Variants in NEGR1 observed in about 807,000 individuals in gnomAD.
NEGR1 encodes neuronal growth regulator 1, also known as IgLON family member 4.
Under a neutral mutation model 40.9 loss-of-function variants are expected in NEGR1, and 10 were observed. The ratio of observed to expected loss-of-function variants is 0.24; its 90% CI spans 0.15 to 0.42. The LOEUF (loss-of-function observed/expected upper bound fraction) is 0.42, where lower values mean the gene tolerates loss of function less well. Among genes scored for constraint, NEGR1 ranks in the 10% least tolerant of loss-of-function variants. The pLI is 1.00. For synonymous variants in NEGR1, 185 were observed against 166.8 expected, an observed-to-expected ratio of 1.11 and a Z score of -0.84; for missense variants, 352 against 438.9, an observed-to-expected ratio of 0.80 and a Z score of 1.77.
At chr1:71,917,508 C>T (rs181365049) in intron 2 of NEGR1, among the ~76,000 whole-genome samples, 3 of 151,922 alleles carry the variant, frequency 2.0e-5, no homozygotes, top group Non-Finnish European at 4.4e-5. Flanking sequence ...AAGAGTAAGT[C>T]GGACGGGTGC....
At chr1:71,633,448 T>C (rs1003873336) in intron 4 of NEGR1, among the ~76,000 whole-genome samples, 14 of 152,078 alleles carry the variant, frequency 9.2e-5, no homozygotes, top group Non-Finnish European at 7.4e-5. Flanking sequence ...CTGGGAAGAA[T>C]GGAATGGAGG....
At chr1:71,858,770 T>C (rs1049737466) in intron 2 of NEGR1, among the ~76,000 whole-genome samples, 1 of 152,078 alleles carries the variant, frequency 6.6e-6, no homozygotes, top group Non-Finnish European at 1.5e-5. Context: ...CAAAATAATA[T>C]TTTACTGCAT....
rs767796809 is a variant in NEGR1, at chr1:71,921,674, TTA to T, written c.409+13403_409+13404del. 4.1e-4 allele frequency among the ~76,000 whole-genome samples: 58 copies of T among 142,548 alleles called. 1 individual carries two copies. In the East Asian group the frequency reaches 0.011, roughly 28 times the overall value. The allele number at this position is 142,548 out of a possible 152,430, so 93.5% of individuals were successfully genotyped here. The stretch of plus-strand genomic sequence containing the variant: ...ACAGTATAAGAATATATATAGAATA[TTA>T]TATATATAGAATAGATACAGTACAA... On this transcript the variant is annotated intron_variant, in intron 2 of 6. Coordinates refer to ENST00000357731, the MANE Select transcript of NEGR1 (RefSeq NM_173808.3).
intron 1 of NEGR1, among the ~76,000 whole-genome samples, chr1:72,223,754 T>C (rs1052219076): frequency 6.6e-6 from 1 of 152,062 alleles, no homozygotes; most frequent in Non-Finnish European, 1.5e-5. Flanking sequence ...GGTGATCAAA[T>C]AACGCTTAAA....
At chr1:72,138,186 G>A (rs1489205586) in intron 1 of NEGR1, among the ~76,000 whole-genome samples, 2 of 151,288 alleles carry the variant, frequency 1.3e-5, no homozygotes, top group Admixed American at 6.6e-5. Context: ...CATATGTTAT[G>A]ACTTTTACAA....
At chr1:72,205,057 T>C (rs1364354934) in intron 1 of NEGR1, among the ~76,000 whole-genome samples, 1 of 152,076 alleles carries the variant, frequency 6.6e-6, no homozygotes, top group Non-Finnish European at 1.5e-5. Flanking sequence ...TGAAAAACTG[T>C]ATTACATTGC....
At chr1:72,088,257 G>T (rs1292961080) in intron 1 of NEGR1, among the ~76,000 whole-genome samples, 1 of 152,062 alleles carries the variant, frequency 6.6e-6, no homozygotes, top group African/African-American at 2.4e-5. Context: ...TGTTAGAAAG[G>T]CAAAGTGTCA....
At chr1:71,978,215 T>C (rs1472119872) in intron 1 of NEGR1, among the ~76,000 whole-genome samples, 2 of 146,786 alleles carry the variant, frequency 1.4e-5, no homozygotes, top group African/African-American at 5.5e-5. Context: ...CTGAAAATTA[T>C]ATGAGACTGA....
Position 71,399,325 on chromosome 1 carries a change from A to G in NEGR1, c.*8121T>C, listed in dbSNP as rs997000351. 1.3e-5 allele frequency: 2 copies of G among 152,148 alleles called. No individual in the cohort carries two copies. The highest frequency in any genetic ancestry group is 4.8e-5 in the African/African-American group (2 of 41,450). 9.4% of individuals were successfully genotyped at this position (152,148 alleles called of 1,614,324 possible). On this transcript the variant is annotated 3_prime_UTR_variant, in exon 7 of 7. Coordinates refer to ENST00000357731, the MANE Select transcript of NEGR1 (RefSeq NM_173808.3). ...CCTTGTCAACATTTAAAGTTATTAG[A>G]CAGTAACACATTTCAAAGCATAATT...
At chr1:71,842,003 A>T (rs2101803181) in intron 2 of NEGR1, among the ~76,000 whole-genome samples, 1 of 152,290 alleles carries the variant, frequency 6.6e-6, no homozygotes, top group Admixed American at 6.5e-5. Context: ...ACTGCTACTT[A>T]GCAGTAGAGG....
At position 71,834,865 on chromosome 1, in the gene NEGR1, G is replaced by A. The variant is rs144089218; in HGVS notation, c.410-58568C>T. Among the ~76,000 whole-genome samples the A allele has an allele frequency of 1.1e-4, 11 of 98,546 alleles. No homozygotes were observed. The East Asian group carries it at 4.9e-3, about 44-fold the overall frequency. The allele number at this position is 98,546 out of a possible 152,430, so 64.7% of individuals were successfully genotyped here. On this transcript the variant is annotated intron_variant, in intron 2 of 6. Coordinates refer to ENST00000357731, the MANE Select transcript of NEGR1 (RefSeq NM_173808.3). Reference sequence around the variant, plus strand: ...ATGGTAATAATGCCTGCCAAACACCGTCGTTTTAAGATTTTAGGAGATCAC... The same window carrying A: ...ATGGTAATAATGCCTGCCAAACACCATCGTTTTAAGATTTTAGGAGATCAC...
At chr1:71,428,035 C>A (rs866293512) in intron 6 of NEGR1, among the ~76,000 whole-genome samples, 1 of 152,080 alleles carries the variant, frequency 6.6e-6, no homozygotes, top group African/African-American at 2.4e-5. Context: ...CAAACACACA[C>A]ACTGTCCTTA....
intron 2 of NEGR1, among the ~76,000 whole-genome samples, chr1:71,909,582 C>T (rs146536096): frequency 3.3e-4 from 50 of 152,278 alleles, no homozygotes; most frequent in African/African-American, 1.1e-3. Flanking sequence ...CCAAAACTGA[C>T]ATCTCACTCA....
chr1:71,763,653 T>C (rs1656021376), intron 3 of NEGR1, among the ~76,000 whole-genome samples: 3 of 152,118 alleles, frequency 2.0e-5, no homozygotes, highest in Non-Finnish European at 4.4e-5. Flanking sequence ...AGTTGAACCA[T>C]GTTGGCTAAA....
intron 6 of NEGR1, among the ~76,000 whole-genome samples, chr1:71,521,169 C>A (rs1227710231): frequency 6.6e-6 from 1 of 151,932 alleles, no homozygotes; most frequent in Non-Finnish European, 1.5e-5. Context: ...GTCCTAGATT[C>A]AATGTAGATA....
At chr1:71,707,843 G>C (rs1278065417) in intron 3 of NEGR1, among the ~76,000 whole-genome samples, 5 of 152,276 alleles carry the variant, frequency 3.3e-5, no homozygotes, top group Middle Eastern at 3.4e-3. Context: ...TAAAGGAAGA[G>C]AACAAGAGCT....
chr1:72,224,591 T>C (rs997856628), intron 1 of NEGR1, among the ~76,000 whole-genome samples: 3 of 152,148 alleles, frequency 2.0e-5, no homozygotes, highest in Non-Finnish European at 4.4e-5. Context: ...TCGGAATGCA[T>C]GGCCAAGCTT....
chr1:71,830,343 AG>A (rs1361311082), intron 2 of NEGR1, among the ~76,000 whole-genome samples: 1 of 151,960 alleles, frequency 6.6e-6, no homozygotes, highest in Non-Finnish European at 1.5e-5. Flanking sequence ...AAATATTTTC[AG>A]CTTTGTGAAC....
intron 2 of NEGR1, among the ~76,000 whole-genome samples, chr1:71,863,521 A>T (rs550236589): frequency 2.6e-5 from 4 of 152,246 alleles, no homozygotes; most frequent in Non-Finnish European, 5.9e-5. Flanking sequence ...TGATGGGTTG[A>T]TCTGTGCCCC....
Sources: allele counts gnomAD v4.1 joint callset (sites outside exome capture counted in the v4.1 genomes callset), GRCh38; gene constraint gnomAD v4.1.1; transcripts MANE v1.5; gene names NCBI Gene and HGNC (gene_info 2026-07-23, HGNC 2026-07-21).